The following GLIS3 variants were observed in gnomAD, a reference collection of about 807,000 sequenced individuals.
GLIS3 encodes GLIS family zinc finger 3, also known as zinc finger protein GLIS3.
Under a neutral mutation model 78.6 loss-of-function variants are expected in GLIS3, and 53 were observed. The ratio of observed to expected loss-of-function variants is 0.67; its 90% CI spans 0.54 to 0.85. The LOEUF is 0.85. GLIS3 is among the 40% of genes least tolerant of loss of function. The pLI is 0.00. For synonymous variants in GLIS3, 684 were observed against 509.9 expected (o/e 1.34, Z -4.60); for missense variants, 1,703 against 1,231.1 (o/e 1.38, Z -5.74).
At chr9:3,979,937 C>T (rs904165288) in intron 4 of GLIS3, among the ~76,000 whole-genome samples, 1 of 152,050 alleles carries the variant, frequency 6.6e-6, no homozygotes, top group Non-Finnish European at 1.5e-5. Flanking sequence ...AATGGGTCAA[C>T]GTAAGGAACG....
chr9:4,363,387 C>A, the GLIS3 span, among the ~76,000 whole-genome samples: 3 of 152,264 alleles, frequency 2.0e-5, no homozygotes, highest in East Asian at 5.8e-4. Context: ...GGCACCACTG[C>A]ACTCCTGGGT....
intron 4 of GLIS3, among the ~76,000 whole-genome samples, chr9:4,098,215 TA>T (rs1830110875): frequency 2.0e-5 from 3 of 152,214 alleles, no homozygotes; most frequent in Non-Finnish European, 4.4e-5. Context: ...ACTTAAATGC[TA>T]GTTCCCTTTT....
the GLIS3 span, among the ~76,000 whole-genome samples, chr9:4,360,183 G>C: frequency 1.3e-5 from 2 of 152,148 alleles, no homozygotes; most frequent in African/African-American, 4.8e-5. Flanking sequence ...AGGAGGATTG[G>C]AATCATCACC....
Position 4,018,650 on chromosome 9 carries a change from A to G in GLIS3, c.1711-81461T>C, listed in dbSNP as rs148400314. The stretch of plus-strand genomic sequence containing the variant: ...CAAATCAAAGGAGCAATGGTTCTCA[A>G]CTGCGTTCCACCTAAACTCTGAGAT... On this transcript the variant is annotated intron_variant, in intron 4 of 10. Coordinates refer to ENST00000381971, the MANE Select transcript of GLIS3 (RefSeq NM_001042413.2). Among the ~76,000 whole-genome samples, 703 of 152,258 alleles carry G rather than the reference A, an allele frequency of 4.6e-3. 8 individuals carry two copies. Among genetic ancestry groups the G allele is most frequent in the African/African-American group, 0.016 (674 of 41,528 alleles).
chr9:4,243,497 T>C (rs1374110802), intron 2 of GLIS3, among the ~76,000 whole-genome samples: 1 of 152,220 alleles, frequency 6.6e-6, no homozygotes, highest in Non-Finnish European at 1.5e-5. Context: ...GAAATGGTTC[T>C]AAGCATTTTA....
intron 2 of GLIS3, among the ~76,000 whole-genome samples, chr9:4,181,061 C>T (rs1179295932): frequency 6.6e-6 from 1 of 152,204 alleles, no homozygotes; most frequent in Non-Finnish European, 1.5e-5. Flanking sequence ...AACTTCCAGG[C>T]ACAGGCATGT....
At chr9:4,096,764 C>T (rs1588663836) in intron 4 of GLIS3, among the ~76,000 whole-genome samples, 1 of 152,152 alleles carries the variant, frequency 6.6e-6, no homozygotes. Context: ...GTAATCCCAG[C>T]ACTTTGGGAG....
At chr9:4,194,248 C>T (rs961047508) in intron 2 of GLIS3, among the ~76,000 whole-genome samples, 1 of 151,892 alleles carries the variant, frequency 6.6e-6, no homozygotes, top group Non-Finnish European at 1.5e-5. Context: ...TTAGTAGAGA[C>T]GGGGTTTCAC....
At chr9:4,305,009 C>T (rs918837878), upstream of GLIS3, among the ~76,000 whole-genome samples, 1 of 152,146 alleles carries the variant, frequency 6.6e-6, no homozygotes, top group Middle Eastern at 3.2e-3. Context: ...AGGCTGGGGA[C>T]ACTGCCCCAA....
At chr9:4,418,894 A>C in the GLIS3 span, among the ~76,000 whole-genome samples, 1 of 152,158 alleles carries the variant, frequency 6.6e-6, no homozygotes, top group African/African-American at 2.4e-5. Context: ...GGGAACATTC[A>C]AACCTTCTTC....
intron 2 of GLIS3, among the ~76,000 whole-genome samples, chr9:4,131,791 A>G (rs1228905395): frequency 6.6e-6 from 1 of 152,114 alleles, no homozygotes; most frequent in Non-Finnish European, 1.5e-5. Flanking sequence ...GTTGTTGTGC[A>G]TCTAGTATTA....
At chr9:4,461,732 C>T in the GLIS3 span, among the ~76,000 whole-genome samples, 2 of 152,124 alleles carry the variant, frequency 1.3e-5, no homozygotes, top group Non-Finnish European at 2.9e-5. Flanking sequence ...CTTCTCTTTT[C>T]CCTCACCCAA....
At chr9:4,283,477 G>C (rs1827736897) in intron 2 of GLIS3, among the ~76,000 whole-genome samples, 1 of 152,022 alleles carries the variant, frequency 6.6e-6, no homozygotes. Flanking sequence ...TCTTGGCCAG[G>C]CTGGCTTCAA....
intron 2 of GLIS3, among the ~76,000 whole-genome samples, chr9:4,199,559 G>A (rs1819175480): frequency 6.7e-6 from 1 of 149,696 alleles, no homozygotes; most frequent in South Asian, 2.1e-4. Context: ...GACCAAAAAA[G>A]GTAATACATA....
chr9:4,484,739 G>A, the GLIS3 span, among the ~76,000 whole-genome samples: 1 of 152,006 alleles, frequency 6.6e-6, no homozygotes, highest in African/African-American at 2.4e-5. Context: ...ACTTTAGGAG[G>A]AAGTTATAGT....
At chr9:4,411,273 A>T in the GLIS3 span, among the ~76,000 whole-genome samples, 68,190 of 151,924 alleles carry the variant, frequency 0.45, 16,190 homozygotes, top group Admixed American at 0.53. Context: ...TCTGTCCTTC[A>T]CTTGGTGCAA....
At chr9:4,025,441 G>C (rs1314300479) in intron 4 of GLIS3, among the ~76,000 whole-genome samples, 1 of 152,086 alleles carries the variant, frequency 6.6e-6, no homozygotes, top group Admixed American at 6.5e-5. Context: ...AGGCTGGAGT[G>C]GGGTGGCGTG....
At chr9:4,173,561 TACACACACACAC>T (rs34572625) in intron 2 of GLIS3, among the ~76,000 whole-genome samples, 2,638 of 146,480 alleles carry the variant, frequency 0.018, 74 homozygotes, top group African/African-American at 0.061. Flanking sequence ...TGTGTATAGA[TACACACACACAC>T]ACACACACAC....
intron 2 of GLIS3, among the ~76,000 whole-genome samples, chr9:4,240,731 C>A (rs1823222486): frequency 6.6e-6 from 1 of 152,000 alleles, no homozygotes; most frequent in Admixed American, 6.6e-5. Flanking sequence ...CACAGTAAAA[C>A]CAATATTCAA....
Sources: allele counts gnomAD v4.1 joint callset (sites outside exome capture counted in the v4.1 genomes callset), GRCh38; gene constraint gnomAD v4.1.1; transcripts MANE v1.5; gene names NCBI Gene and HGNC (gene_info 2026-07-23, HGNC 2026-07-21).